GPR39: variants seen among roughly 807,000 people sequenced by gnomAD.
The protein encoded by GPR39 is G protein-coupled receptor 39.
A neutral mutation model predicts 18.4 loss-of-function variants in GPR39; 23 were observed. The ratio of observed to expected loss-of-function variants is 1.25; its 90% CI spans 0.90 to 1.77. GPR39 has a LOEUF of 1.77. GPR39 is among the 40% of genes most tolerant of loss of function. The pLI, the probability that GPR39 is intolerant of heterozygous loss-of-function variation, is 0.00. For missense variants in GPR39, 647 were observed against 602.4 expected, an observed-to-expected ratio of 1.07 and a Z score of -0.78; for synonymous variants, 280 against 257.9, an observed-to-expected ratio of 1.09 and a Z score of -0.82.
rs183151959 is a variant in GPR39 at position 132,500,272 on chromosome 2, G to C, written c.856+82374G>C. The stretch of plus-strand genomic sequence containing the variant: ...GGTATGTCCCTTCTATGCCGATTTT[G>C]CTGCAGGTTTTAATCATAAAGGGAT... On this transcript the variant is annotated intron_variant, in intron 1 of 1. Transcript: ENST00000329321. 4.9e-4 allele frequency among the ~76,000 whole-genome samples: 75 copies of C among 152,208 alleles called. No homozygotes were observed. The Middle Eastern group carries it at 0.027, about 55-fold the overall frequency.
chr2:132,546,415 G>A (rs771535922), intron 1 of GPR39, among the ~76,000 whole-genome samples: 1 of 152,228 alleles, frequency 6.6e-6, no homozygotes, highest in Non-Finnish European at 1.5e-5. Context: ...GGAACTCTGA[G>A]AAAGAAATAT....
chr2:132,601,300 G>C (rs1398831389), intron 1 of GPR39, among the ~76,000 whole-genome samples: 2 of 152,020 alleles, frequency 1.3e-5, no homozygotes, highest in Admixed American at 6.6e-5. Context: ...ACGTAAGGAT[G>C]GTTTAACACA....
At chr2:132,632,330 A>T (rs10199134) in intron 1 of GPR39, among the ~76,000 whole-genome samples, 5,145 of 152,222 alleles carry the variant, frequency 0.034, 291 homozygotes, top group African/African-American at 0.12. Flanking sequence ...TTCCCTTACA[A>T]GTAAAAAGGC....
chr2:132,645,681 CA>C lies in GPR39; in HGVS notation c.*78del, dbSNP rs1367535326. 33 of 1,526,522 alleles carry C rather than the reference CA, an allele frequency of 2.2e-5. No homozygotes were observed. Among genetic ancestry groups the C allele is most frequent in the Non-Finnish European group, 2.9e-5 (33 of 1,137,030 alleles). The allele number at this position is 1,526,522 out of a possible 1,614,324, so 94.6% of individuals were successfully genotyped here. A position where few individuals can be genotyped will look rare whatever the true frequency, so the allele number is the denominator to read the frequency against. ...AAACGTCACTCTCACTCTGCAGTCTCAAACTATGCCCCCATCAGGGATGGAA... is the reference window on the plus strand; with the variant it reads ...AAACGTCACTCTCACTCTGCAGTCTCAACTATGCCCCCATCAGGGATGGAA... On this transcript the variant is annotated 3_prime_UTR_variant, in exon 2 of 2. Transcript: ENST00000329321.
intron 1 of GPR39, among the ~76,000 whole-genome samples, chr2:132,630,368 C>T (rs564874800): frequency 5.5e-4 from 83 of 152,284 alleles, no homozygotes; most frequent in African/African-American, 2.0e-3. Flanking sequence ...GAGAGACTAA[C>T]TGGGTCAGAG....
In GPR39 at chr2:132,504,744, ACT is replaced by A. The variant is rs1277899903; in HGVS notation, c.856+86851_856+86852del. 5.9e-5 allele frequency among the ~76,000 whole-genome samples: 9 copies of A among 152,204 alleles called. No homozygotes were observed. The South Asian group carries it at 1.2e-3, about 21-fold the overall frequency. ...TGAAAGAATTAATAACCATCTGGTG[ACT>A]CTCTGTCACACCCATAAAATCCTAG... On this transcript the variant is annotated intron_variant, in intron 1 of 1. Transcript: ENST00000329321.
intron 1 of GPR39, among the ~76,000 whole-genome samples, chr2:132,464,783 A>G (rs1443336376): frequency 6.6e-6 from 1 of 152,176 alleles, no homozygotes; most frequent in Non-Finnish European, 1.5e-5. Context: ...CTACATACTG[A>G]GTCCCACTAG....
chr2:132,444,698 TA>T (rs1680503819), intron 1 of GPR39, among the ~76,000 whole-genome samples: 1 of 152,232 alleles, frequency 6.6e-6, no homozygotes, highest in Admixed American at 6.5e-5. Context: ...AATGGCCAGG[TA>T]ATTGTTTCAA....
Position 132,516,604 on chromosome 2 carries a change from G to T in GPR39, c.856+98706G>T, listed in dbSNP as rs578074574. On this transcript the variant is annotated intron_variant, in intron 1 of 1. Transcript: ENST00000329321. The stretch of plus-strand genomic sequence containing the variant: ...AGAAGTTCTCTGCATTTTTCAGCCG[G>T]CCACACTCTGATAACCTTCAGGAAA... Among the ~76,000 whole-genome samples the T allele has an allele frequency of 3.9e-4, 60 of 152,286 alleles. 1 individual carries two copies. Among genetic ancestry groups the T allele is most frequent in the African/African-American group, 1.3e-3 (54 of 41,552 alleles).
At chr2:132,517,714 T>A (rs550129570) in intron 1 of GPR39, among the ~76,000 whole-genome samples, 2 of 152,338 alleles carry the variant, frequency 1.3e-5, no homozygotes, top group East Asian at 3.9e-4. Context: ...TTCAGTTTTA[T>A]AAGTAAATGT....
chr2:132,589,998 T>C (rs1001469206), intron 1 of GPR39, among the ~76,000 whole-genome samples: 2 of 152,246 alleles, frequency 1.3e-5, no homozygotes, highest in Non-Finnish European at 2.9e-5. Context: ...TTAAAGTTCA[T>C]TTGAACAAAA....
intron 1 of GPR39, among the ~76,000 whole-genome samples, chr2:132,493,660 G>A (rs28678456): frequency 1.3e-5 from 2 of 151,578 alleles, no homozygotes; most frequent in Admixed American, 6.6e-5. Context: ...CATGAATGTA[G>A]GCCATTTGGG....
At position 132,416,808 on chromosome 2, in the gene GPR39, T is replaced by C. The variant is rs780259344; in HGVS notation, c.-235T>C. On this transcript the variant is annotated 5_prime_UTR_variant, in exon 1 of 2. Transcript: ENST00000329321. ...CTCTCCCCGCCTCGCCCCAGCCACA[T>C]ACACTCCCAAACCTCAACACCCAGG... 8.4e-6 allele frequency: 5 copies of C among 596,736 alleles called. No homozygotes were observed. Among genetic ancestry groups the C allele is most frequent in the Non-Finnish European group, 1.2e-5 (4 of 338,582 alleles). The allele number at this position is 596,736 out of a possible 1,614,324, so 37.0% of individuals were successfully genotyped here. A position where few individuals can be genotyped will look rare whatever the true frequency, so the allele number is the denominator to read the frequency against.
intron 1 of GPR39, among the ~76,000 whole-genome samples, chr2:132,492,998 T>C (rs1411287586): frequency 2.8e-5 from 4 of 141,614 alleles, no homozygotes; most frequent in Non-Finnish European, 4.5e-5. Flanking sequence ...ACCATAGATA[T>C]ACCATATATA....
chr2:132,636,007 A>C (rs1304883452), intron 1 of GPR39, among the ~76,000 whole-genome samples: 1 of 152,076 alleles, frequency 6.6e-6, no homozygotes, highest in Non-Finnish European at 1.5e-5. Flanking sequence ...AGGAGGAATA[A>C]ATTTCTGTTG....
rs148042802 is a variant in GPR39 at position 132,417,771 on chromosome 2, G to A, written c.729G>A (p.Trp243Ter). ...TGCTCTCCGTAGCCTTCATGTGCTG[G>A]AACATGATGCAGGTGCTCATGAAAA... is the stretch of plus-strand genomic sequence containing the variant. Reference protein sequence around the residue: ...VVLLSVAFMCWNMMQVLMKSQ... With the variant: ...VVLLSVAFMC Residue 243 changes from tryptophan to a stop codon, truncating the protein, a stop_gained, in exon 1 of 2, where the codon TGG (tryptophan) becomes TGA (stop). Transcript: ENST00000329321. LOFTEE classifies it high-confidence loss of function. 1 of 1,614,080 alleles carries A rather than the reference G, an allele frequency of 6.2e-7. No homozygotes were observed. Among genetic ancestry groups the A allele is most frequent in the African/African-American group, 1.3e-5 (1 of 74,936 alleles).
chr2:132,556,955 T>G (rs376289283), intron 1 of GPR39, among the ~76,000 whole-genome samples: 248 of 152,276 alleles, frequency 1.6e-3, no homozygotes, highest in Non-Finnish European at 3.0e-3. Flanking sequence ...CTGTAGAAAT[T>G]GGGTAGAACA....
rs370471294 is a variant in GPR39, at chr2:132,564,678, C to T, written c.857-80423C>T. 1.6e-4 allele frequency among the ~76,000 whole-genome samples: 24 copies of T among 152,164 alleles called. No individual in the cohort carries two copies. In the East Asian group the frequency reaches 1.9e-3, roughly 12 times the overall value. On this transcript the variant is annotated intron_variant, in intron 1 of 1. Coordinates refer to ENST00000329321, the MANE Select transcript of GPR39 (RefSeq NM_001508.3). Reference sequence around the variant, plus strand: ...AAGATGCATGTAATATCACTCTCCACGGAGTCTTACAAATCTAACACTTTG... The same window carrying T: ...AAGATGCATGTAATATCACTCTCCATGGAGTCTTACAAATCTAACACTTTG...
intron 1 of GPR39, among the ~76,000 whole-genome samples, chr2:132,528,258 C>T (rs1164293449): frequency 2.6e-5 from 4 of 152,102 alleles, no homozygotes; most frequent in Non-Finnish European, 5.9e-5. Context: ...GGTGTTATTT[C>T]TGAGTTCTCT....
Sources: gnomAD v4.1 joint callset for allele counts (sites outside exome capture counted in the v4.1 genomes callset) on GRCh38, gnomAD v4.1.1 for gene constraint, MANE v1.5 for transcripts, NCBI Gene and HGNC (gene_info 2026-07-23, HGNC 2026-07-21) for gene names.